Variants in CSMD2 observed in about 807,000 individuals in gnomAD.
CSMD2 encodes CUB and Sushi multiple domains 2, also known as CUB and sushi domain-containing protein 2.
A neutral mutation model predicts 398.5 loss-of-function variants in CSMD2; 130 were observed. The observed-to-expected ratio is 0.33, with a 90% CI of 0.28 to 0.38. The LOEUF (loss-of-function observed/expected upper bound fraction) is 0.38. Ranked by LOEUF, CSMD2 falls within the 10% of genes least tolerant of loss-of-function variation. CSMD2 has a pLI of 1.00. For missense variants in CSMD2, 3,829 were observed against 4,764.9 expected (o/e 0.80, Z 5.78); for synonymous variants, 1,828 against 1,908.5 (o/e 0.96, Z 1.10).
intron 2 of CSMD2, among the ~76,000 whole-genome samples, chr1:34,086,857 T>A (rs1233385710): frequency 6.6e-6 from 1 of 152,112 alleles, no homozygotes; most frequent in African/African-American, 2.4e-5. Flanking sequence ...TATGAGGCCC[T>A]GCAGGATCTA....
chr1:33,794,505 C>T (rs940015123), intron 10 of CSMD2, among the ~76,000 whole-genome samples: 3 of 152,088 alleles, frequency 2.0e-5, no homozygotes, highest in Non-Finnish European at 4.4e-5. Flanking sequence ...GATGACTTAT[C>T]CAGAGAGGTC....
At chr1:33,535,568 G>A (rs966427966) in intron 62 of CSMD2, among the ~76,000 whole-genome samples, 1 of 152,148 alleles carries the variant, frequency 6.6e-6, no homozygotes, top group African/African-American at 2.4e-5. Context: ...GGTGACATGT[G>A]CAAGAGTGCC....
At chr1:34,009,778 C>T (rs996944418) in intron 3 of CSMD2, among the ~76,000 whole-genome samples, 1 of 152,116 alleles carries the variant, frequency 6.6e-6, no homozygotes. Context: ...CTCCTACCCC[C>T]ACTCCCCCAC....
At position 33,600,867 on chromosome 1, in the gene CSMD2, G is replaced by T; in HGVS notation, c.6854C>A (p.Ser2285Tyr). Residue 2285 changes from serine to tyrosine, a missense_variant and splice_region_variant, in exon 44 of 71, where the codon TCC becomes TAC. Ser to Tyr is a moderately radical substitution (Grantham distance 144, BLOSUM62 -2). Transcript: ENST00000373381. ...CCAGGCCAGGCTTCCATACTGACCGGAGAAAGCTATGGCGAAGATCCCCCC... is the reference window on the plus strand; with the variant it reads ...CCAGGCCAGGCTTCCATACTGACCGTAGAAAGCTATGGCGAAGATCCCCCC... ...ATGGIFAIAF[S>Y]AYPLTKCPPP... 1 of 1,614,132 alleles carries T rather than the reference G, an allele frequency of 6.2e-7. No homozygotes were observed. Among genetic ancestry groups the T allele is most frequent in the Non-Finnish European group, 8.5e-7 (1 of 1,180,012 alleles).
At chr1:33,962,350 G>A (rs1467383257) in intron 3 of CSMD2, among the ~76,000 whole-genome samples, 1 of 152,088 alleles carries the variant, frequency 6.6e-6, no homozygotes, top group East Asian at 1.9e-4. Flanking sequence ...AGAGTTGGGG[G>A]TTTAGGGGGC....
intron 2 of CSMD2, among the ~76,000 whole-genome samples, chr1:34,082,066 G>A (rs1657232020): frequency 6.6e-6 from 1 of 150,658 alleles, no homozygotes; most frequent in Non-Finnish European, 1.5e-5. Flanking sequence ...CGTCTAGGAA[G>A]TGAGGAGCGT....
At chr1:33,654,264 C>G (rs186184073) in intron 27 of CSMD2, among the ~76,000 whole-genome samples, 1 of 152,300 alleles carries the variant, frequency 6.6e-6, no homozygotes, top group East Asian at 1.9e-4. Context: ...TCATTAACAA[C>G]TCAATGAGCA....
chr1:33,889,264 G>A (rs1641820198), intron 5 of CSMD2, among the ~76,000 whole-genome samples: 1 of 152,168 alleles, frequency 6.6e-6, no homozygotes, highest in East Asian at 1.9e-4. Context: ...AGAAAAATGG[G>A]TAGAGAATAT....
At chr1:33,930,493 G>T (rs995713643) in intron 4 of CSMD2, among the ~76,000 whole-genome samples, 2 of 152,186 alleles carry the variant, frequency 1.3e-5, no homozygotes, top group South Asian at 4.1e-4. Context: ...TCTTCCCCAG[G>T]TATGGTGACA....
chr1:33,562,259 C>T (rs1218842062), intron 53 of CSMD2, among the ~76,000 whole-genome samples: 1 of 152,240 alleles, frequency 6.6e-6, no homozygotes, highest in Non-Finnish European at 1.5e-5. Flanking sequence ...TCCCAAGCCA[C>T]AGGCCCTGGA....
At chr1:33,678,287 C>G (rs1644787059) in intron 25 of CSMD2, among the ~76,000 whole-genome samples, 1 of 136,680 alleles carries the variant, frequency 7.3e-6, no homozygotes, top group Non-Finnish European at 1.5e-5. Context: ...AACCATGAGC[C>G]AAATAAACCT....
intron 2 of CSMD2, among the ~76,000 whole-genome samples, chr1:34,068,381 T>G (rs1270631286): frequency 6.6e-6 from 1 of 152,244 alleles, no homozygotes; most frequent in Non-Finnish European, 1.5e-5. Flanking sequence ...TGCATTCTTA[T>G]TATAAAAACA....
intron 59 of CSMD2, 68 bp downstream of exon 59, chr1:33,541,062 C>G (rs1032552239): frequency 4.1e-5 from 61 of 1,490,142 alleles, no homozygotes; most frequent in Middle Eastern, 2.2e-4. Flanking sequence ...TAGAGAGATG[C>G]TCAGGGCCTA....
intron 1 of CSMD2, among the ~76,000 whole-genome samples, chr1:34,098,053 C>A (rs1659546361): frequency 1.2e-5 from 1 of 83,786 alleles, no homozygotes; most frequent in Admixed American, 1.6e-4. Context: ...GAAAATGTGG[C>A]ACATATACAC....
At chr1:33,930,375 C>T (rs905724739) in intron 4 of CSMD2, among the ~76,000 whole-genome samples, 5 of 152,206 alleles carry the variant, frequency 3.3e-5, no homozygotes, top group East Asian at 1.9e-4. Flanking sequence ...TGTCCATACC[C>T]GACACCACTG....
At chr1:33,577,227 C>T in intron 49 of CSMD2, 69 bp downstream of exon 49, 2 of 1,452,452 alleles carry the variant, frequency 1.4e-6, no homozygotes, top group Non-Finnish European at 1.9e-6. Flanking sequence ...AGTGACTAGT[C>T]CTGGGACAAA....
intron 6 of CSMD2, among the ~76,000 whole-genome samples, chr1:33,826,310 C>G (rs867560673): frequency 4.0e-5 from 6 of 151,076 alleles, no homozygotes; most frequent in East Asian, 3.9e-4. Flanking sequence ...TACATTCCCC[C>G]ACTCCTTGAC....
chr1:33,552,754 C>T (rs1239024731), intron 55 of CSMD2, among the ~76,000 whole-genome samples: 1 of 151,908 alleles, frequency 6.6e-6, no homozygotes, highest in Non-Finnish European at 1.5e-5. Context: ...CAGAAAAGTA[C>T]ATTAGAGGTT....
chr1:33,568,620 T>C (rs1659294482), intron 52 of CSMD2, among the ~76,000 whole-genome samples: 1 of 152,166 alleles, frequency 6.6e-6, no homozygotes, highest in Admixed American at 6.5e-5. Context: ...TTTCCTTCCT[T>C]CTCCTTGAGT....
Sources: gnomAD v4.1 joint callset for allele counts (sites outside exome capture counted in the v4.1 genomes callset) on GRCh38, gnomAD v4.1.1 for gene constraint, MANE v1.5 for transcripts, NCBI Gene and HGNC (gene_info 2026-07-23, HGNC 2026-07-21) for gene names.